The following GRM7 variants were observed in gnomAD, a reference collection of about 807,000 sequenced individuals.
GRM7 encodes metabotropic glutamate receptor 7.
In GRM7, 35 loss-of-function variants were observed where a neutral mutation model predicts 84.5. That is an observed-to-expected ratio of 0.41 (90% confidence interval 0.32 to 0.55). The LOEUF is 0.55. Ranked by LOEUF, GRM7 falls within the 20% of genes least tolerant of loss-of-function variation. The pLI is 0.19. For synonymous variants in GRM7, 487 were observed against 455.1 expected, an observed-to-expected ratio of 1.07 and a Z score of -0.89; for missense variants, 1,003 against 1,194.6, an observed-to-expected ratio of 0.84 and a Z score of 2.36.
At chr3:6,949,095 A>G (rs567739851) in intron 1 of GRM7, among the ~76,000 whole-genome samples, 129 of 152,310 alleles carry the variant, frequency 8.5e-4, no homozygotes, top group Middle Eastern at 3.4e-3. Context: ...TTATCCTATC[A>G]TTATGATGTT....
chr3:7,211,673 A>C (rs1356106467), intron 2 of GRM7, among the ~76,000 whole-genome samples: 1 of 150,004 alleles, frequency 6.7e-6, no homozygotes. Flanking sequence ...AAAAAATCAC[A>C]CTGAAGGGAA....
At chr3:7,562,418 T>C (rs751900702) in intron 7 of GRM7, among the ~76,000 whole-genome samples, 16 of 151,956 alleles carry the variant, frequency 1.1e-4, no homozygotes, top group Non-Finnish European at 4.4e-5. Context: ...CTCTCAAATA[T>C]AGAGTCATAT....
intron 1 of GRM7, among the ~76,000 whole-genome samples, chr3:7,110,999 T>TGGC (rs1487409842): frequency 2.6e-5 from 4 of 151,956 alleles, no homozygotes; most frequent in Non-Finnish European, 5.9e-5. Flanking sequence ...GAAGGAGAGA[T>TGGC]GGCATAGAAC....
intron 4 of GRM7, among the ~76,000 whole-genome samples, chr3:7,410,365 G>A (rs570024037): frequency 1.2e-4 from 18 of 152,150 alleles, no homozygotes; most frequent in Non-Finnish European, 2.1e-4. Context: ...GAACCCAAGG[G>A]TTTGAGACTA....
chr3:7,162,958 C>T lies in GRM7; in HGVS notation c.736+16290C>T, dbSNP rs185472242. Among the ~76,000 whole-genome samples the T allele has an allele frequency of 5.5e-4, 83 of 151,758 alleles. 1 individual carries two copies. Among genetic ancestry groups the T allele is most frequent in the African/African-American group, 1.9e-3 (77 of 41,432 alleles). On this transcript the variant is annotated intron_variant, in intron 2 of 9. Transcript: ENST00000357716. ...TATTTTTAGTAGAGACATGATTTCA[C>T]CATGTTGGCCAGGCTGGTCTTGAAC...
chr3:6,955,592 C>T (rs938348182), intron 1 of GRM7, among the ~76,000 whole-genome samples: 3 of 151,342 alleles, frequency 2.0e-5, no homozygotes, highest in Admixed American at 6.6e-5. Context: ...CGCCTGTAAT[C>T]CTAGAACTTT....
intron 2 of GRM7, among the ~76,000 whole-genome samples, chr3:7,197,249 T>C (rs1695909485): frequency 6.6e-6 from 1 of 152,210 alleles, no homozygotes; most frequent in Non-Finnish European, 1.5e-5. Context: ...CCAATGATAT[T>C]GGCACTGGGT....
intron 2 of GRM7, among the ~76,000 whole-genome samples, chr3:7,179,148 T>TA (rs112489778): frequency 0.023 from 3,451 of 152,182 alleles, 97 homozygotes; most frequent in African/African-American, 0.07. Context: ...GAAACAAACA[T>TA]AGTACACTGC....
intron 2 of GRM7, among the ~76,000 whole-genome samples, chr3:7,263,899 C>G (rs1161211472): frequency 6.6e-6 from 1 of 152,106 alleles, no homozygotes; most frequent in Non-Finnish European, 1.5e-5. Context: ...CAAGGTCTGC[C>G]TGCATACACA....
intron 9 of GRM7, among the ~76,000 whole-genome samples, chr3:7,730,028 T>C (rs56153829): frequency 1.2e-3 from 179 of 148,394 alleles, no homozygotes; most frequent in East Asian, 5.0e-3. Context: ...GCGCCCACCA[T>C]CACACCTGGC....
intron 8 of GRM7, among the ~76,000 whole-genome samples, chr3:7,601,546 A>T (rs1172129390): frequency 6.6e-6 from 1 of 152,138 alleles, no homozygotes; most frequent in Non-Finnish European, 1.5e-5. Context: ...CTGAGGCTCA[A>T]TGCTTAGAAG....
At position 6,861,788 on chromosome 3, in the gene GRM7, G is replaced by C; in HGVS notation, c.400G>C (p.Val134Leu). 5 of 1,614,172 alleles carry C rather than the reference G, an allele frequency of 3.1e-6. No individual in the cohort carries two copies. Among genetic ancestry groups the C allele is most frequent in the Non-Finnish European group, 4.2e-6 (5 of 1,180,022 alleles). Residue 134 changes from valine to leucine, a missense_variant, in exon 1 of 10, where the codon GTG becomes CTG. By Grantham distance (32) the Val-to-Leu change is conservative (BLOSUM62 1). Around this residue, in one of 2 missense-constraint regions of GRM7, gnomAD observed 910 missense variants for 1,126.0 expected, o/e 0.81. Coordinates refer to ENST00000357716, the MANE Select transcript of GRM7 (RefSeq NM_000844.4). This position sits in a 1 kb window ranked among gnomAD's most constrained non-coding sequence, Gnocchi z 6.4. ...QALIQKDTSDVRCTNGEPPVF... is the reference protein window; with the variant it reads ...QALIQKDTSDLRCTNGEPPVF... ...GCTCATCCAGAAGGACACCTCCGACGTGCGCTGCACCAACGGCGAACCGCC... is the reference window on the plus strand; with the variant it reads ...GCTCATCCAGAAGGACACCTCCGACCTGCGCTGCACCAACGGCGAACCGCC...
chr3:7,550,803 T>C (rs1000820185), intron 7 of GRM7, among the ~76,000 whole-genome samples: 2 of 152,014 alleles, frequency 1.3e-5, no homozygotes, highest in East Asian at 1.9e-4. Context: ...AGATCTGTAG[T>C]TGGATGGTGC....
intron 5 of GRM7, among the ~76,000 whole-genome samples, chr3:7,428,678 C>T (rs1696707808): frequency 6.6e-6 from 1 of 152,062 alleles, no homozygotes; most frequent in Non-Finnish European, 1.5e-5. Context: ...ACTACTTGTC[C>T]TAATGATTTC....
At position 7,152,572 on chromosome 3, in the gene GRM7, C is replaced by A. The variant is rs111831353; in HGVS notation, c.736+5904C>A. On this transcript the variant is annotated intron_variant, in intron 2 of 9. Transcript: ENST00000357716. ...ACTTATTCAACCTTCTGTGGATTTG[C>A]GGATATTCTTTGCCTTTGCAGAGGC... is the stretch of plus-strand genomic sequence containing the variant. Among the ~76,000 whole-genome samples, 212 of 152,300 alleles carry A rather than the reference C, an allele frequency of 1.4e-3. 2 individuals are homozygous for A. Among genetic ancestry groups the A allele is most frequent in the East Asian group, 6.0e-3 (31 of 5,182 alleles).
At chr3:7,307,014 C>T (rs12491287) in intron 4 of GRM7, among the ~76,000 whole-genome samples, 71,514 of 151,540 alleles carry the variant, frequency 0.47, 18,489 homozygotes, top group Non-Finnish European at 0.6. Flanking sequence ...CTTTGTAACG[C>T]ATCCATTATT....
intron 2 of GRM7, among the ~76,000 whole-genome samples, chr3:7,160,078 T>C (rs1694577161): frequency 6.6e-6 from 1 of 152,170 alleles, no homozygotes; most frequent in African/African-American, 2.4e-5. Flanking sequence ...ACACAAACTT[T>C]ACATTTTGGG....
intron 4 of GRM7, among the ~76,000 whole-genome samples, chr3:7,321,927 C>A (rs1482196533): frequency 6.6e-6 from 1 of 152,076 alleles, no homozygotes; most frequent in African/African-American, 2.4e-5. Context: ...TAGGTTACAC[C>A]TGGCCTCCAT....
intron 1 of GRM7, among the ~76,000 whole-genome samples, chr3:7,064,663 G>A (rs1010142628): frequency 6.6e-6 from 1 of 151,108 alleles, no homozygotes; most frequent in Admixed American, 6.6e-5. Flanking sequence ...ACATGTGTGT[G>A]CAAGTATCTT....
Sources: allele counts gnomAD v4.1 joint callset (sites outside exome capture counted in the v4.1 genomes callset), GRCh38; gene constraint gnomAD v4.1.1; regional missense constraint gnomAD v4.1.1; non-coding constraint Gnocchi (gnomAD v3.1); transcripts MANE v1.5; gene names NCBI Gene and HGNC (gene_info 2026-07-23, HGNC 2026-07-21).